Variants in BPNT1 observed in about 807,000 individuals in gnomAD.
BPNT1 encodes the protein 3'(2'),5'-bisphosphate nucleotidase 1.
Under a neutral mutation model 36.9 loss-of-function variants are expected in BPNT1, and 28 were observed. That is an observed-to-expected ratio of 0.76 (90% CI 0.56 to 1.04). The LOEUF is 1.04. BPNT1 is among the 50% of genes least tolerant of loss of function. The pLI is 0.00. For synonymous variants in BPNT1, 119 were observed against 130.9 expected (o/e 0.91, Z 0.62); for missense variants, 313 against 372.9 (o/e 0.84, Z 1.32).
At chr1:220,080,311 A>G (rs1402052259) in intron 1 of BPNT1, among the ~76,000 whole-genome samples, 2 of 152,226 alleles carry the variant, frequency 1.3e-5, no homozygotes, top group Non-Finnish European at 2.9e-5. Context: ...TATGAATAGT[A>G]TAAGGGATGT....
intron 4 of BPNT1, among the ~76,000 whole-genome samples, chr1:220,070,440 G>A (rs1663959430): frequency 6.6e-6 from 1 of 151,996 alleles, no homozygotes; most frequent in Non-Finnish European, 1.5e-5. Context: ...CTGCCTCCCG[G>A]GTTCATGCCA....
At position 220,067,293 on chromosome 1, in the gene BPNT1, T is replaced by C; in HGVS notation, c.474+9A>G. ...TAATGAAATTACTTTGTATCATTTA[T>C]AGTAATACCTCATAGTTGTAATATG... On this transcript the variant is annotated intron_variant, in intron 6 of 8. Coordinates refer to ENST00000322067, the MANE Select transcript of BPNT1 (RefSeq NM_006085.6). 1.3e-6 allele frequency: 2 copies of C among 1,531,622 alleles called. No individual in the cohort carries two copies. The highest frequency in any genetic ancestry group is 1.2e-5 in the South Asian group (1 of 86,936). 94.9% of individuals were successfully genotyped at this position (1,531,622 alleles called of 1,614,324 possible).
chr1:220,061,316 T>C (rs1663007508), intron 7 of BPNT1, among the ~76,000 whole-genome samples: 1 of 152,134 alleles, frequency 6.6e-6, no homozygotes. Flanking sequence ...ATTAGTCAAT[T>C]GACTTTTTTT....
At chr1:220,063,044 G>A (rs1558078118) in intron 6 of BPNT1, 90 bp from the exon 7 acceptor site, 1 of 1,407,532 alleles carries the variant, frequency 7.1e-7, no homozygotes, top group Admixed American at 1.8e-5. Flanking sequence ...TTAGCATCAT[G>A]ATTTAAAAAA....
chr1:220,057,859 T>G lies in BPNT1; in HGVS notation c.*985A>C. ...ATTACTGTGAAAAACAAGAGTGAGA[T>G]TCCAGAAAAAATTGTGCCCTAAAGA... On this transcript the variant is annotated 3_prime_UTR_variant, in exon 9 of 9. Coordinates refer to ENST00000322067, the MANE Select transcript of BPNT1 (RefSeq NM_006085.6). 5 of 1,303,366 alleles carry G rather than the reference T, an allele frequency of 3.8e-6. No individual in the cohort carries two copies. In the South Asian group the frequency reaches 6.2e-5, roughly 16 times the overall value. 80.7% of individuals were successfully genotyped at this position (1,303,366 alleles called of 1,614,324 possible).
At chr1:220,060,739 C>T (rs1662948638) in intron 7 of BPNT1, among the ~76,000 whole-genome samples, 1 of 152,148 alleles carries the variant, frequency 6.6e-6, no homozygotes, top group Non-Finnish European at 1.5e-5. Flanking sequence ...TGACACAGCC[C>T]TCAGGAAGTC....
intron 4 of BPNT1, among the ~76,000 whole-genome samples, chr1:220,072,331 C>A (rs1459234005): frequency 6.6e-6 from 1 of 151,614 alleles, no homozygotes; most frequent in Non-Finnish European, 1.5e-5. Flanking sequence ...GCCCTGTACT[C>A]CAGCCTGGTG....
At chr1:220,069,495 T>A (rs1571754076) in intron 4 of BPNT1, 63 bp from the exon 5 acceptor site, 1 of 1,241,934 alleles carries the variant, frequency 8.1e-7, no homozygotes, top group East Asian at 2.4e-5. Context: ...AAAAATAGAT[T>A]TAAATAGATT....
At chr1:220,066,318 C>A (rs1266814966) in intron 6 of BPNT1, among the ~76,000 whole-genome samples, 2 of 152,068 alleles carry the variant, frequency 1.3e-5, no homozygotes, top group African/African-American at 4.8e-5. Flanking sequence ...ATAACAGTAT[C>A]AACATTAAAA....
At chr1:220,063,784 GA>G (rs1558078954) in intron 6 of BPNT1, among the ~76,000 whole-genome samples, 3 of 152,144 alleles carry the variant, frequency 2.0e-5, no homozygotes, top group Non-Finnish European at 4.4e-5. Flanking sequence ...TCAGAGTTAA[GA>G]TTTTGCTGAC....
At chr1:220,079,313 C>T (rs1428688936) in intron 2 of BPNT1, among the ~76,000 whole-genome samples, 3 of 151,764 alleles carry the variant, frequency 2.0e-5, no homozygotes, top group South Asian at 2.1e-4. Flanking sequence ...AGTGCAATGG[C>T]GCAATCTCGG....
intron 4 of BPNT1, 29 bp from the exon 5 acceptor site, chr1:220,069,461 T>C: frequency 6.4e-7 from 1 of 1,569,500 alleles, no homozygotes; most frequent in East Asian, 2.3e-5. Context: ...AAGGAAAATA[T>C]CTAAATCAAG....
Position 220,082,081 on chromosome 1 carries a change from T to TAGAGAG in BPNT1, c.-8-2228_-8-2227insCTCTCT, listed in dbSNP as rs1436682340. On this transcript the variant is annotated intron_variant, in intron 1 of 8. Transcript: ENST00000322067. ...CAAGGACAATATATATATATATATA[T>TAGAGAG]ATATAGAGAGAGAGAGAGAGAGAGA... Among the ~76,000 whole-genome samples, 5 of 109,812 alleles carry TAGAGAG rather than the reference T, an allele frequency of 4.6e-5. No individual in the cohort carries two copies. The East Asian group carries it at 7.8e-4, about 17-fold the overall frequency. 72.0% of individuals were successfully genotyped at this position (109,812 alleles called of 152,430 possible).
Position 220,059,619 on chromosome 1 carries a change from G to T in BPNT1, c.778+67C>A, listed in dbSNP as rs549734102. 4 of 1,151,414 alleles carry T rather than the reference G, an allele frequency of 3.5e-6. No individual in the cohort carries two copies. In the South Asian group the frequency reaches 5.8e-5, roughly 17 times the overall value. 71.3% of individuals were successfully genotyped at this position (1,151,414 alleles called of 1,614,324 possible). A position where few individuals can be genotyped will look rare whatever the true frequency, so the allele number is the denominator to read the frequency against. Reference sequence around the variant, plus strand: ...AGTCTAAGTAAAATAATATTACTGAGATATTATGTCTTAGCATGATATAAT... The same window carrying T: ...AGTCTAAGTAAAATAATATTACTGATATATTATGTCTTAGCATGATATAAT... On this transcript the variant is annotated intron_variant, in intron 8 of 8. Coordinates refer to ENST00000322067, the MANE Select transcript of BPNT1 (RefSeq NM_006085.6).
At chr1:220,079,455 T>C (rs560461115) in intron 2 of BPNT1, among the ~76,000 whole-genome samples, 1 of 152,110 alleles carries the variant, frequency 6.6e-6, no homozygotes, top group African/African-American at 2.4e-5. Context: ...GATTTCACCA[T>C]GTTGGCCAGG....
intron 7 of BPNT1, among the ~76,000 whole-genome samples, chr1:220,061,086 A>G (rs775649034): frequency 2.0e-5 from 3 of 152,100 alleles, no homozygotes; most frequent in Non-Finnish European, 4.4e-5. Flanking sequence ...GATTTTAGTT[A>G]ATCTGTTTAG....
Position 220,084,316 on chromosome 1 carries a change from T to C in BPNT1, c.-8-4462A>G, listed in dbSNP as rs965429346. ...CCACTACACTCCACCCTGGGCAACA[T>C]AGCGAGGCTCTGTCTCAAAAAAAAA... is the stretch of plus-strand genomic sequence containing the variant. On this transcript the variant is annotated intron_variant, in intron 1 of 8. Transcript: ENST00000322067. Among the ~76,000 whole-genome samples, 11 of 149,394 alleles carry C rather than the reference T, an allele frequency of 7.4e-5. No homozygotes were observed. The East Asian group carries it at 2.2e-3, about 29-fold the overall frequency.
intron 1 of BPNT1, among the ~76,000 whole-genome samples, chr1:220,082,156 T>C (rs1307398409): frequency 6.9e-6 from 1 of 144,746 alleles, no homozygotes; most frequent in African/African-American, 2.5e-5. Context: ...GATATATATG[T>C]ATTTTATATA....
At chr1:220,066,805 T>C (rs1024254474) in intron 6 of BPNT1, among the ~76,000 whole-genome samples, 1 of 152,192 alleles carries the variant, frequency 6.6e-6, no homozygotes, top group Non-Finnish European at 1.5e-5. Context: ...CTACACAGCG[T>C]TACCTGGAAA....
Sources: allele counts gnomAD v4.1 joint callset (sites outside exome capture counted in the v4.1 genomes callset), GRCh38; gene constraint gnomAD v4.1.1; transcripts MANE v1.5; gene names NCBI Gene and HGNC (gene_info 2026-07-23, HGNC 2026-07-21).